PAK4: variants seen among roughly 807,000 people sequenced by gnomAD.
The protein encoded by PAK4 is serine/threonine-protein kinase PAK 4.
PAK4 carries 49 observed loss-of-function variants against 53.5 expected under a neutral mutation model. That is an observed-to-expected ratio of 0.92 (90% CI 0.73 to 1.16). The LOEUF (loss-of-function observed/expected upper bound fraction) is 1.16. Ranked by LOEUF, PAK4 falls within the 50% of genes most tolerant of loss-of-function variation. The pLI is 0.00. For synonymous variants in PAK4, 376 were observed against 375.6 expected, an observed-to-expected ratio of 1.00 and a Z score of -0.01; for missense variants, 824 against 850.7, an observed-to-expected ratio of 0.97 and a Z score of 0.39.
At chr19:39,140,043 G>A (rs181441251) in intron 1 of PAK4, among the ~76,000 whole-genome samples, 1 of 152,294 alleles carries the variant, frequency 6.6e-6, no homozygotes, top group Admixed American at 6.5e-5. Context: ...AAGGCCTCGA[G>A]CTTGGCGATG....
At chr19:39,132,079 C>A (rs528562078) in intron 1 of PAK4, among the ~76,000 whole-genome samples, 13 of 152,192 alleles carry the variant, frequency 8.5e-5, no homozygotes, top group Non-Finnish European at 1.5e-4. Flanking sequence ...CCCAGCCCCC[C>A]GCCCGGGGTC....
chr19:39,127,651 A>G (rs2073613703), intron 1 of PAK4, among the ~76,000 whole-genome samples: 1 of 152,078 alleles, frequency 6.6e-6, no homozygotes, highest in Admixed American at 6.5e-5. Context: ...CAGAGCCCCT[A>G]GCCTCAGAGG....
intron 1 of PAK4, among the ~76,000 whole-genome samples, chr19:39,150,548 G>A (rs1555776691): frequency 6.6e-6 from 1 of 151,952 alleles, no homozygotes; most frequent in Non-Finnish European, 1.5e-5. Context: ...CGCCCACTCA[G>A]GCCCCTTGAT....
chr19:39,151,798 A>T (rs1568508818), intron 1 of PAK4, among the ~76,000 whole-genome samples: 1 of 152,042 alleles, frequency 6.6e-6, no homozygotes, highest in Admixed American at 6.6e-5. Flanking sequence ...TTTGAGATGG[A>T]CTCTCTGTCA....
Position 39,175,458 on chromosome 19 carries a change from G to A in PAK4, c.1359+20G>A. 2 of 1,597,034 alleles carry A rather than the reference G, an allele frequency of 1.3e-6. No homozygotes were observed. Among genetic ancestry groups the A allele is most frequent in the Non-Finnish European group, 1.7e-6 (2 of 1,171,488 alleles). ...GGCAGGGTGAGGGGACGGGCGGCGGGGTACGGGGGCGGCAGGTTTCCGGCT... is the reference window on the plus strand; with the variant it reads ...GGCAGGGTGAGGGGACGGGCGGCGGAGTACGGGGGCGGCAGGTTTCCGGCT... On this transcript the variant is annotated intron_variant, in intron 6 of 8. Coordinates refer to ENST00000358301, the Ensembl canonical transcript of PAK4. This position sits in a 1 kb window ranked among gnomAD's most constrained non-coding sequence, Gnocchi z 4.7.
chr19:39,167,716 G>A (rs1300121176), intron 1 of PAK4, among the ~76,000 whole-genome samples: 2 of 151,716 alleles, frequency 1.3e-5, no homozygotes, highest in Non-Finnish European at 2.9e-5. Context: ...CTGCCAAACC[G>A]GTTCCCCTGG....
At chr19:39,128,428 A>G (rs191340936) in intron 1 of PAK4, among the ~76,000 whole-genome samples, 1 of 152,238 alleles carries the variant, frequency 6.6e-6, no homozygotes, top group African/African-American at 2.4e-5. Context: ...CAGCCCTCTG[A>G]GGCTGGCCCA....
intron 1 of PAK4, among the ~76,000 whole-genome samples, chr19:39,134,319 C>T (rs73549585): frequency 0.019 from 2,888 of 152,320 alleles, 97 homozygotes; most frequent in African/African-American, 0.066. Context: ...AGACAGAACA[C>T]AACCTCCCAA....
At chr19:39,140,953 A>G (rs2073899231) in intron 1 of PAK4, among the ~76,000 whole-genome samples, 1 of 152,096 alleles carries the variant, frequency 6.6e-6, no homozygotes, top group Non-Finnish European at 1.5e-5. Flanking sequence ...TAGTACTCTT[A>G]TTACCATTAC....
In PAK4 at chr19:39,173,978, A is replaced by G; in HGVS notation, c.1066A>G (p.Lys356Glu). The change falls in exon 4 of 9, where the codon AAG (lysine) becomes GAG (glutamate). Residue 356 changes from lysine (K) to glutamate (E), a missense_variant. Transcript: ENST00000358301. This position sits in a 1 kb window ranked among gnomAD's most constrained non-coding sequence, Gnocchi z 6.9. ...GGCCGTCAAGAAGATGGACCTGCGCAAGCAGCAGAGGCGCGAGCTGCTCTT... is the reference window on the plus strand; with the variant it reads ...GGCCGTCAAGAAGATGGACCTGCGCGAGCAGCAGAGGCGCGAGCTGCTCTT... 1 of 1,607,484 alleles carries G rather than the reference A, an allele frequency of 6.2e-7. No individual in the cohort carries two copies. Among genetic ancestry groups the G allele is most frequent in the South Asian group, 1.1e-5 (1 of 90,622 alleles).
At chr19:39,135,500 T>A (rs1341794078) in intron 1 of PAK4, among the ~76,000 whole-genome samples, 1 of 151,824 alleles carries the variant, frequency 6.6e-6, no homozygotes. Flanking sequence ...CACGCACGGC[T>A]AATTTTGTAT....
chr19:39,150,998 C>T (rs182709959), intron 1 of PAK4, among the ~76,000 whole-genome samples: 36 of 152,260 alleles, frequency 2.4e-4, no homozygotes, highest in East Asian at 1.9e-4. Context: ...AGATTTCTGT[C>T]GGTGGACGCC....
chr19:39,127,793 C>CTGAA (rs1411172073), intron 1 of PAK4, among the ~76,000 whole-genome samples: 11 of 152,284 alleles, frequency 7.2e-5, no homozygotes, highest in African/African-American at 2.2e-4. Context: ...CTACCCTGGG[C>CTGAA]TGAAGCCTGA....
chr19:39,141,576 A>C (rs1260195223), intron 1 of PAK4, among the ~76,000 whole-genome samples: 1 of 151,742 alleles, frequency 6.6e-6, no homozygotes, highest in Non-Finnish European at 1.5e-5. Context: ...TCAGCCTCCC[A>C]AAGTGCTGGA....
At chr19:39,172,391 A>AC (rs2074499169) in intron 2 of PAK4, among the ~76,000 whole-genome samples, 1 of 151,770 alleles carries the variant, frequency 6.6e-6, no homozygotes, top group South Asian at 2.1e-4. Flanking sequence ...GGCTCCTGGG[A>AC]CCCCCTTGCC....
At chr19:39,148,466 C>CTCTTTTTTTTT (rs2074039610) in intron 1 of PAK4, among the ~76,000 whole-genome samples, 1 of 56,786 alleles carries the variant, frequency 1.8e-5, no homozygotes, top group Non-Finnish European at 2.9e-5. Context: ...GTTTCTTCTG[C>CTCTTTTTTTTT]TTTTTTTTTT....
chr19:39,173,084 C>T lies in PAK4; in HGVS notation c.371C>T (p.Thr124Met), dbSNP rs1052399906. 2.1e-5 allele frequency: 33 copies of T among 1,548,568 alleles called. No homozygotes were observed. Among genetic ancestry groups the T allele is most frequent in the South Asian group, 6.0e-5 (5 of 83,956 alleles). ...GGGATGCCAGAGGAGCCGGCCACCA[C>T]GGCCAGAGGGGGCCCAGGGAAGGCA... Residue 124 changes from threonine to methionine, a missense_variant, in exon 3 of 9, where the codon ACG becomes ATG. By Grantham distance (81) the Thr-to-Met change is moderately conservative. Transcript: ENST00000358301. The surrounding 1 kb of genome is among the most constrained non-coding windows in gnomAD (Gnocchi z 6.9).
intron 1 of PAK4, among the ~76,000 whole-genome samples, chr19:39,137,508 G>A (rs929928956): frequency 2.0e-5 from 3 of 152,126 alleles, no homozygotes; most frequent in Non-Finnish European, 4.4e-5. Flanking sequence ...AGGTGAGGGG[G>A]GCACCAATGC....
intron 1 of PAK4, among the ~76,000 whole-genome samples, chr19:39,134,452 T>TTTTAGTAGAGAGGGGGTTTC (rs1568497043): frequency 6.6e-5 from 10 of 152,116 alleles, no homozygotes; most frequent in African/African-American, 1.9e-4. Flanking sequence ...ATCCTTGAAT[T>TTTTAGTAGAGAGGGGGTTTC]ACAGAATGTC....
Sources: gnomAD v4.1 joint callset for allele counts (sites outside exome capture counted in the v4.1 genomes callset) on GRCh38, gnomAD v4.1.1 for gene constraint, Gnocchi (gnomAD v3.1) non-coding constraint, MANE v1.5 for transcripts, NCBI Gene and HGNC (gene_info 2026-07-23, HGNC 2026-07-21) for gene names.